DRD2: variants seen among roughly 807,000 people sequenced by gnomAD.
The protein encoded by DRD2 is dopamine receptor D2.
Under a neutral mutation model 38.0 loss-of-function variants are expected in DRD2, and 8 were observed. The ratio of observed to expected loss-of-function variants is 0.21; its 90% confidence interval spans 0.12 to 0.38. DRD2 has a LOEUF of 0.38. DRD2 is among the 10% of genes least tolerant of loss of function. The probability of loss-of-function intolerance (pLI) is 1.00; values close to 1 mark genes in which losing one functional copy is unlikely to be tolerated. For missense variants in DRD2, 403 were observed against 607.7 expected, an observed-to-expected ratio of 0.66 and a Z score of 3.54; for synonymous variants, 230 against 238.6, an observed-to-expected ratio of 0.96 and a Z score of 0.33.
rs1200168759 is a variant in DRD2, at chr11:113,469,964, G to A, written c.-32+5112C>T. The stretch of plus-strand genomic sequence containing the variant: ...AAATGAAGAACCTATGTCAAGTGCT[G>A]AGCACAGCGCCCTGCACACAGTAAG... On this transcript the variant is annotated intron_variant, in intron 1 of 7. Coordinates refer to ENST00000362072, the MANE Select transcript of DRD2 (RefSeq NM_000795.4). 3.3e-5 allele frequency among the ~76,000 whole-genome samples: 5 copies of A among 152,222 alleles called. 1 individual carries two copies. Among genetic ancestry groups the A allele is most frequent in the Admixed American group, 2.0e-4 (3 of 15,280 alleles).
At chr11:113,428,696 C>T (rs543324857) in intron 1 of DRD2, among the ~76,000 whole-genome samples, 18 of 152,326 alleles carry the variant, frequency 1.2e-4, no homozygotes, top group African/African-American at 4.3e-4. Context: ...ACAATCATAG[C>T]TCACTGCAGC....
intron 1 of DRD2, among the ~76,000 whole-genome samples, chr11:113,439,890 A>G (rs902648525): frequency 4.1e-5 from 6 of 145,202 alleles, no homozygotes; most frequent in Non-Finnish European, 9.0e-5. Context: ...GAGTAAGACC[A>G]GGAAAGTGAA....
At chr11:113,465,822 G>A (rs1348967760) in intron 1 of DRD2, among the ~76,000 whole-genome samples, 2 of 152,210 alleles carry the variant, frequency 1.3e-5, no homozygotes, top group Non-Finnish European at 2.9e-5. Flanking sequence ...CTTCCCTCCA[G>A]AAGAGAGAAT....
chr11:113,432,694 T>C (rs1405921198), intron 1 of DRD2, among the ~76,000 whole-genome samples: 1 of 152,062 alleles, frequency 6.6e-6, no homozygotes, highest in Non-Finnish European at 1.5e-5. Context: ...GGATAGGAAT[T>C]GGGAGTGAGT....
At chr11:113,417,046 C>A (rs755627958) in intron 3 of DRD2, 47 bp from the exon 4 acceptor site, 41 of 1,605,088 alleles carry the variant, frequency 2.6e-5, no homozygotes, top group Non-Finnish European at 3.4e-5. Context: ...CCCAGGGACC[C>A]CTCACTCCAC....
Position 113,456,165 on chromosome 11 carries a change from T to A in DRD2, c.-32+18911A>T, listed in dbSNP as rs183387999. On this transcript the variant is annotated intron_variant, in intron 1 of 7. Transcript: ENST00000362072. ...ACAACTTGGGTGAATCTAGGGGACA[T>A]TACACTAAATGAAATAAGCCAAGCA... 3.3e-5 allele frequency among the ~76,000 whole-genome samples: 5 copies of A among 152,332 alleles called. No homozygotes were observed. The East Asian group carries it at 9.6e-4, about 29-fold the overall frequency.
intron 2 of DRD2, among the ~76,000 whole-genome samples, chr11:113,419,768 C>T (rs1043924842): frequency 6.6e-6 from 1 of 152,190 alleles, no homozygotes; most frequent in Non-Finnish European, 1.5e-5. Context: ...CTGATCACTG[C>T]CCTCTCTTCT....
intron 1 of DRD2, among the ~76,000 whole-genome samples, chr11:113,436,089 C>T (rs896901211): frequency 2.0e-5 from 3 of 152,150 alleles, no homozygotes; most frequent in Non-Finnish European, 2.9e-5. Context: ...AGGCTGACAC[C>T]GGGGACCTTT....
intron 1 of DRD2, chr11:113,450,055 A>G (rs1446577084): frequency 6.5e-6 from 1 of 154,660 alleles, no homozygotes; most frequent in Non-Finnish European, 1.5e-5. Context: ...CACGAATGCA[A>G]TGTTCACAAG....
At chr11:113,462,691 T>C (rs942387717) in intron 1 of DRD2, among the ~76,000 whole-genome samples, 1 of 152,176 alleles carries the variant, frequency 6.6e-6, no homozygotes. Flanking sequence ...CCACCTTCCC[T>C]CTCCCTCTGG....
At chr11:113,453,190 C>G (rs941327479) in intron 1 of DRD2, among the ~76,000 whole-genome samples, 3 of 152,146 alleles carry the variant, frequency 2.0e-5, no homozygotes, top group Admixed American at 1.3e-4. Flanking sequence ...ACATCAAGTC[C>G]TAGGTTCACA....
At chr11:113,424,752 A>G (rs1459742698) in intron 1 of DRD2, 70 bp from the exon 2 acceptor site, 6 of 1,387,144 alleles carry the variant, frequency 4.3e-6, no homozygotes, top group African/African-American at 1.4e-5. Context: ...GAAGAAGACC[A>G]ACTCCTGGCA....
chr11:113,464,635 C>T (rs1951351547), intron 1 of DRD2, among the ~76,000 whole-genome samples: 1 of 152,232 alleles, frequency 6.6e-6, no homozygotes, highest in South Asian at 2.1e-4. Context: ...TGAGCACTGA[C>T]ATCGCCAGGG....
intron 1 of DRD2, among the ~76,000 whole-genome samples, chr11:113,448,450 G>T (rs956422508): frequency 2.0e-5 from 3 of 152,220 alleles, no homozygotes; most frequent in African/African-American, 7.2e-5. Context: ...TGTCAGAGCT[G>T]CTCCCCACTC....
intron 1 of DRD2, among the ~76,000 whole-genome samples, chr11:113,445,191 A>C (rs929797024): frequency 9.9e-5 from 15 of 152,246 alleles, no homozygotes; most frequent in Non-Finnish European, 1.6e-4. Context: ...AGATGTGACA[A>C]CCAAACCATG....
At chr11:113,459,001 T>C (rs548633389) in intron 1 of DRD2, among the ~76,000 whole-genome samples, 1 of 152,286 alleles carries the variant, frequency 6.6e-6, no homozygotes, top group East Asian at 1.9e-4. Context: ...GTAGAAAATA[T>C]GATCTGGGGC....
Position 113,452,840 on chromosome 11 carries a change from C to T in DRD2, c.-32+22236G>A, listed in dbSNP as rs555981838. Among the ~76,000 whole-genome samples, 152 of 151,550 alleles carry T rather than the reference C, an allele frequency of 1.0e-3. 2 individuals are homozygous for T. The highest frequency in any genetic ancestry group is 3.5e-3 in the African/African-American group (143 of 41,318). ...TTTTTGTATTTTTTTTTAGTAGAGA[C>T]GGGGTTTCACCATGTTGGCCAGGCT... On this transcript the variant is annotated intron_variant, in intron 1 of 7. Transcript: ENST00000362072.
At position 113,424,391 on chromosome 11, in the gene DRD2, G is replaced by A. The variant is rs1950917106; in HGVS notation, c.261C>T (p.Val87=). The change falls in exon 2 of 8, where the codon GTC becomes GTT. Residue 87 remains valine (V), a synonymous_variant. Transcript: ENST00000362072. The part of the protein sequence containing the change: ...AVADLLVATL[V]MPWVVYLEVV... ...CCTCCAGGTAGACAACCCAGGGCATGACCAGTGTGGCGACGAGGAGGTCGG... is the reference window on the plus strand; with the variant it reads ...CCTCCAGGTAGACAACCCAGGGCATAACCAGTGTGGCGACGAGGAGGTCGG... 6.2e-7 allele frequency: 1 copy of A among 1,614,088 alleles called. No individual in the cohort carries two copies.
At chr11:113,474,869 G>A (rs567670162) in intron 1 of DRD2, among the ~76,000 whole-genome samples, 1 of 152,270 alleles carries the variant, frequency 6.6e-6, no homozygotes, top group Non-Finnish European at 1.5e-5. Flanking sequence ...GAAGGAGGGA[G>A]AGGGGATAGC....
Sources: allele counts gnomAD v4.1 joint callset (sites outside exome capture counted in the v4.1 genomes callset), GRCh38; gene constraint gnomAD v4.1.1; transcripts MANE v1.5; gene names NCBI Gene and HGNC (gene_info 2026-07-23, HGNC 2026-07-21).